The following NUCB2 variants were observed in gnomAD, a reference collection of about 807,000 sequenced individuals.
NUCB2 encodes nucleobindin 2.
A neutral mutation model predicts 57.9 loss-of-function variants in NUCB2; 48 were observed. The observed-to-expected ratio is 0.83, with a 90% CI of 0.66 to 1.05. The LOEUF (loss-of-function observed/expected upper bound fraction) is 1.05. NUCB2 is among the 50% of genes least tolerant of loss of function. NUCB2 has a pLI of 0.00. For missense variants in NUCB2, 442 were observed against 476.2 expected (o/e 0.93, Z 0.67); for synonymous variants, 139 against 152.1 (o/e 0.91, Z 0.64).
chr11:17,300,250 G>A (rs565325086), intron 4 of NUCB2, among the ~76,000 whole-genome samples: 47 of 152,232 alleles, frequency 3.1e-4, no homozygotes, highest in African/African-American at 1.0e-3. Flanking sequence ...GCGCTCAAAC[G>A]ATCTATCCAC....
At chr11:17,338,103 A>G (rs1177113310) in intron 2 of NUCB2, among the ~76,000 whole-genome samples, 1 of 152,256 alleles carries the variant, frequency 6.6e-6, no homozygotes, top group African/African-American at 2.4e-5. Context: ...TGGTGAAGAC[A>G]CCAAATTGAA....
intron 1 of NUCB2, among the ~76,000 whole-genome samples, chr11:17,280,198 T>C (rs968727084): frequency 9.2e-5 from 14 of 152,164 alleles, no homozygotes; most frequent in Admixed American, 7.9e-4. Flanking sequence ...GTGATACAGA[T>C]CTGTTTTTCA....
intron 11 of NUCB2, among the ~76,000 whole-genome samples, chr11:17,323,504 C>A (rs1312384485): frequency 6.6e-6 from 1 of 152,108 alleles, no homozygotes; most frequent in East Asian, 1.9e-4. Flanking sequence ...GCATTAATAT[C>A]CACCAGAGCT....
Position 17,301,890 on chromosome 11 carries a change from TA to T in NUCB2, c.379+21del. The T allele has an allele frequency of 6.3e-7, 1 of 1,595,872 alleles. No homozygotes were observed. The highest frequency in any genetic ancestry group is 8.5e-7 in the Non-Finnish European group (1 of 1,172,140). On this transcript the variant is annotated intron_variant, in intron 5 of 13. Transcript: ENST00000529010. Reference sequence around the variant, plus strand: ...TTCAAGGTAAGTGCTAAACAAAAGGTAGGATTTTTTTTTTCTTTTTTCCTTT... The same window carrying T: ...TTCAAGGTAAGTGCTAAACAAAAGGTGGATTTTTTTTTTCTTTTTTCCTTT...
At chr11:17,281,965 T>C (rs1207017726) in intron 1 of NUCB2, among the ~76,000 whole-genome samples, 1 of 151,884 alleles carries the variant, frequency 6.6e-6, no homozygotes, top group Non-Finnish European at 1.5e-5. Context: ...CAAAAAAGAA[T>C]TTGAAATATT....
At chr11:17,308,743 TA>T (rs1948064433) in intron 5 of NUCB2, among the ~76,000 whole-genome samples, 1 of 152,188 alleles carries the variant, frequency 6.6e-6, no homozygotes, top group East Asian at 1.9e-4. Flanking sequence ...TTTTAAACGT[TA>T]AAAAAATTGA....
rs1369736109 is a variant in NUCB2 at position 17,315,450 on chromosome 11, A to C, written c.977A>C (p.Glu326Ala). The C allele has an allele frequency of 1.2e-6, 2 of 1,611,192 alleles. No homozygotes were observed. Among genetic ancestry groups the C allele is most frequent in the South Asian group, 2.2e-5 (2 of 90,892 alleles). The change falls in exon 11 of 14, where the codon GAA becomes GCA. Residue 326 changes from glutamate (E) to alanine (A), a missense_variant. By Grantham distance (107) the Glu-to-Ala change is moderately radical. Coordinates refer to ENST00000529010, the MANE Select transcript of NUCB2 (RefSeq NM_005013.4). ...EEFLKATEKK[E>A]FLEPDSWETL... ...TTTTTGAAAGCCACAGAAAAAAAAG[A>C]ATTCTTGGAGCCAGATAGCTGGGAG...
At chr11:17,324,100 G>T (rs1950359108) in intron 11 of NUCB2, among the ~76,000 whole-genome samples, 1 of 151,596 alleles carries the variant, frequency 6.6e-6, no homozygotes, top group Admixed American at 6.6e-5. Context: ...TACTAATTTT[G>T]GATTCAGTTT....
At chr11:17,307,856 G>C (rs911021849) in intron 5 of NUCB2, among the ~76,000 whole-genome samples, 1 of 152,078 alleles carries the variant, frequency 6.6e-6, no homozygotes, top group Non-Finnish European at 1.5e-5. Flanking sequence ...CCTCCATAGA[G>C]GTTGTATCAA....
At position 17,331,587 on chromosome 11, in the gene NUCB2, G is replaced by C. The variant is rs530175478; in HGVS notation, c.*168G>C. 20 of 418,448 alleles carry C rather than the reference G, an allele frequency of 4.8e-5. No homozygotes were observed. The highest frequency in any genetic ancestry group is 4.1e-4 in the African/African-American group (20 of 48,752). The allele number at this position is 418,448 out of a possible 1,614,324, so 25.9% of individuals were successfully genotyped here. On this transcript the variant is annotated 3_prime_UTR_variant, in exon 14 of 14. Coordinates refer to ENST00000529010, the MANE Select transcript of NUCB2 (RefSeq NM_005013.4). ...CTTTTTTTGGGACACAGATATTAAA[G>C]GATTGAAGTTTATCAGAACCAGGAA...
intron 3 of NUCB2, 114 bp downstream of exon 3, chr11:17,295,581 AT>A: frequency 6.4e-6 from 5 of 785,946 alleles, no homozygotes; most frequent in Non-Finnish European, 1.0e-5. Flanking sequence ...GAGAGGAATT[AT>A]AACAAAAATA....
intron 2 of NUCB2, among the ~76,000 whole-genome samples, chr11:17,283,289 T>G (rs1271595349): frequency 6.6e-6 from 1 of 152,196 alleles, no homozygotes; most frequent in East Asian, 1.9e-4. Context: ...CCTCTTCCTT[T>G]AAGGAGAATT....
chr11:17,323,090 TGATC>T (rs1950231166), intron 11 of NUCB2, among the ~76,000 whole-genome samples: 5 of 152,190 alleles, frequency 3.3e-5, no homozygotes, highest in Non-Finnish European at 5.9e-5. Flanking sequence ...CTTGTCTTAT[TGATC>T]TAGCTGGGAC....
chr11:17,338,900 G>A (rs1952016426), intron 2 of NUCB2, among the ~76,000 whole-genome samples: 1 of 152,116 alleles, frequency 6.6e-6, no homozygotes, highest in Non-Finnish European at 1.5e-5. Context: ...CTGACCTCAG[G>A]TGATCCACCT....
intron 4 of NUCB2, among the ~76,000 whole-genome samples, chr11:17,300,907 ATGATGCT>A (rs1241701322): frequency 1.3e-5 from 2 of 150,168 alleles, no homozygotes; most frequent in Non-Finnish European, 3.0e-5. Context: ...TTGTGCTTTA[ATGATGCT>A]TTTCTAAATT....
intron 5 of NUCB2, among the ~76,000 whole-genome samples, chr11:17,308,926 T>G (rs779785910): frequency 2.4e-4 from 36 of 152,172 alleles, no homozygotes; most frequent in Non-Finnish European, 4.6e-4. Context: ...ATATTAGAGA[T>G]TTATTAAAAG....
rs140090235 is a variant in NUCB2 at position 17,285,934 on chromosome 11, T to TACACAC, written c.-1+3019_-1+3024dup. 2.0e-3 allele frequency among the ~76,000 whole-genome samples: 283 copies of TACACAC among 143,526 alleles called. 2 individuals are homozygous for TACACAC. Among genetic ancestry groups the TACACAC allele is most frequent in the East Asian group, 0.017 (84 of 4,914 alleles). 94.2% of individuals were successfully genotyped at this position (143,526 alleles called of 152,430 possible). On this transcript the variant is annotated intron_variant, in intron 2 of 13. Coordinates refer to ENST00000529010, the MANE Select transcript of NUCB2 (RefSeq NM_005013.4). ...ACACATACATGCGCGCACGTGTGCG[T>TACACAC]ACACACACACACACACACACACACA...
At chr11:17,316,661 C>T (rs1169412959) in intron 11 of NUCB2, among the ~76,000 whole-genome samples, 1 of 152,142 alleles carries the variant, frequency 6.6e-6, no homozygotes, top group East Asian at 1.9e-4. Context: ...AAAAGTATAT[C>T]AACTTGTAAC....
chr11:17,280,242 T>C (rs1942283945), intron 1 of NUCB2, among the ~76,000 whole-genome samples: 1 of 152,216 alleles, frequency 6.6e-6, no homozygotes, highest in Non-Finnish European at 1.5e-5. Context: ...CAATCCGTTG[T>C]TAAGACTGGA....
Sources: gnomAD v4.1 joint callset for allele counts (sites outside exome capture counted in the v4.1 genomes callset) on GRCh38, gnomAD v4.1.1 for gene constraint, MANE v1.5 for transcripts, NCBI Gene and HGNC (gene_info 2026-07-23, HGNC 2026-07-21) for gene names.